The following ZNF618 variants were observed in gnomAD, a reference collection of about 807,000 sequenced individuals.
ZNF618 encodes the protein zinc finger protein 618.
A neutral mutation model predicts 103.0 loss-of-function variants in ZNF618; 34 were observed. The observed-to-expected ratio is 0.33, with a 90% CI of 0.25 to 0.44. The LOEUF is 0.44. Among genes scored for constraint, ZNF618 ranks in the 20% least tolerant of loss-of-function variants. The pLI is 1.00. For missense variants in ZNF618, 1,059 were observed against 1,295.4 expected (o/e 0.82, Z 2.80); for synonymous variants, 551 against 542.2 (o/e 1.02, Z -0.23).
intron 3 of ZNF618, among the ~76,000 whole-genome samples, chr9:113,989,619 C>T (rs1839832250): frequency 6.6e-6 from 1 of 152,240 alleles, no homozygotes; most frequent in African/African-American, 2.4e-5. Context: ...CTGTCCAAGC[C>T]TCTGCTGCCT....
At chr9:113,900,526 A>G (rs1024119086) in intron 1 of ZNF618, among the ~76,000 whole-genome samples, 13 of 152,324 alleles carry the variant, frequency 8.5e-5, no homozygotes, top group African/African-American at 3.1e-4. Flanking sequence ...GAGGTGAGGC[A>G]GCAACCCAAG....
intron 2 of ZNF618, 135 bp from the exon 3 acceptor site, chr9:113,988,185 TG>T: frequency 8.5e-7 from 1 of 1,175,544 alleles, no homozygotes. Context: ...GGGGGTTGTG[TG>T]GGAGGCTAAG....
chr9:113,924,346 C>T (rs1821969143), intron 1 of ZNF618, among the ~76,000 whole-genome samples: 1 of 151,204 alleles, frequency 6.6e-6, no homozygotes, highest in South Asian at 2.1e-4. Flanking sequence ...CTTTTAATGT[C>T]CATGAGATCA....
chr9:114,027,599 C>T (rs866743496), intron 10 of ZNF618, among the ~76,000 whole-genome samples: 4 of 152,232 alleles, frequency 2.6e-5, no homozygotes, highest in Non-Finnish European at 1.5e-5. Context: ...GGCTGAGCTT[C>T]GCCTTCTGTG....
intron 2 of ZNF618, among the ~76,000 whole-genome samples, chr9:113,974,946 G>A (rs1264718996): frequency 2.0e-5 from 3 of 152,156 alleles, no homozygotes; most frequent in Admixed American, 6.5e-5. Flanking sequence ...GATTATATTA[G>A]TACCTCCTTC....
At chr9:113,947,100 GGAGCCTGCTGCAGA>G (rs1428248414) in intron 1 of ZNF618, among the ~76,000 whole-genome samples, 4 of 152,152 alleles carry the variant, frequency 2.6e-5, no homozygotes, top group African/African-American at 7.2e-5. Context: ...ATGAGCTTGC[GGAGCCTGCTGCAGA>G]GGAGGGGCTC....
chr9:113,987,792 G>C (rs1291011271), intron 2 of ZNF618, among the ~76,000 whole-genome samples: 1 of 152,136 alleles, frequency 6.6e-6, no homozygotes, highest in Non-Finnish European at 1.5e-5. Flanking sequence ...CCAGGAGTTT[G>C]TTTGTGTTCT....
In ZNF618 at chr9:113,951,352, A is replaced by G. The variant is rs12115208; in HGVS notation, c.34-17765A>G. ...ATAGGCATCCAAACAATATTTGTGA[A>G]TAGGGACCTTTTACCAGGATGGCTT... On this transcript the variant is annotated intron_variant, in intron 1 of 14. Coordinates refer to ENST00000374126, the MANE Select transcript of ZNF618 (RefSeq NM_001318042.2). Among the ~76,000 whole-genome samples, 814 of 118,796 alleles carry G rather than the reference A, an allele frequency of 6.9e-3. 13 individuals carry two copies. Among genetic ancestry groups the G allele is most frequent in the African/African-American group, 0.023 (759 of 32,976 alleles). 77.9% of individuals were successfully genotyped at this position (118,796 alleles called of 152,430 possible). A position where few individuals can be genotyped will look rare whatever the true frequency, so the allele number is the denominator to read the frequency against.
At chr9:113,946,884 A>G (rs1394656391) in intron 1 of ZNF618, among the ~76,000 whole-genome samples, 2 of 152,198 alleles carry the variant, frequency 1.3e-5, no homozygotes, top group African/African-American at 4.8e-5. Flanking sequence ...AATTCCTGAC[A>G]GGTGTTTGCT....
At chr9:114,009,289 G>A (rs1015224055) in intron 9 of ZNF618, among the ~76,000 whole-genome samples, 1 of 152,128 alleles carries the variant, frequency 6.6e-6, no homozygotes, top group Non-Finnish European at 1.5e-5. Flanking sequence ...GAGGGTAGGG[G>A]ATGAGCCCCA....
chr9:114,007,235 C>T (rs4979321), intron 6 of ZNF618, 115 bp from the exon 7 acceptor site: 498,407 of 801,416 alleles, frequency 0.62, 159,434 homozygotes, highest in East Asian at 0.67. Context: ...TTCCTCCCTC[C>T]GCTAGCCAGA....
chr9:114,034,676 C>T (rs960608440), intron 12 of ZNF618, among the ~76,000 whole-genome samples: 4 of 152,156 alleles, frequency 2.6e-5, no homozygotes, highest in African/African-American at 9.7e-5. Context: ...ACCATCTGGC[C>T]CCGCTGTGCT....
At chr9:113,945,287 A>C (rs545450220) in intron 1 of ZNF618, among the ~76,000 whole-genome samples, 1 of 152,194 alleles carries the variant, frequency 6.6e-6, no homozygotes, top group East Asian at 1.9e-4. Context: ...TCAGGAAGGC[A>C]TTTCCTTATG....
intron 13 of ZNF618, among the ~76,000 whole-genome samples, chr9:114,040,409 T>C (rs1181461862): frequency 3.9e-5 from 6 of 152,028 alleles, no homozygotes; most frequent in Admixed American, 2.6e-4. Flanking sequence ...TACATATGTA[T>C]ACATGTGCCA....
At chr9:113,985,581 G>A (rs918586779) in intron 2 of ZNF618, among the ~76,000 whole-genome samples, 16 of 152,212 alleles carry the variant, frequency 1.1e-4, no homozygotes, top group African/African-American at 1.4e-4. Context: ...GCAGCAGCCC[G>A]GAAAGCCAGG....
At chr9:113,968,974 C>G in intron 1 of ZNF618, 143 bp from the exon 2 acceptor site, 2 of 915,824 alleles carry the variant, frequency 2.2e-6, no homozygotes. Context: ...TTTGTCCAGC[C>G]TGGAGGAGCG....
chr9:114,008,794 T>C lies in ZNF618; in HGVS notation c.754+240T>C, dbSNP rs118097455. ...CCAGGCTGGGGCTGAGTCCTGGCGC[T>C]ACTGCTTACAGGCTTGGTGTCCTCA... On this transcript the variant is annotated intron_variant, in intron 9 of 14. Transcript: ENST00000374126. Among the ~76,000 whole-genome samples, 63 of 152,332 alleles carry C rather than the reference T, an allele frequency of 4.1e-4. 1 individual carries two copies. The East Asian group carries it at 0.012, about 29-fold the overall frequency.
intron 6 of ZNF618, 99 bp from the exon 7 acceptor site, chr9:114,007,251 C>T (rs941867200): frequency 1.1e-6 from 1 of 946,702 alleles, no homozygotes; most frequent in African/African-American, 1.6e-5. Flanking sequence ...CCAGACTGGG[C>T]TAGTTTCATC....
chr9:114,022,943 G>GT (rs1415728430), intron 10 of ZNF618, among the ~76,000 whole-genome samples: 1 of 152,002 alleles, frequency 6.6e-6, no homozygotes, highest in Non-Finnish European at 1.5e-5. Flanking sequence ...GTCTGTTACT[G>GT]TAAGCCATGA....
Sources: gnomAD v4.1 joint callset for allele counts (sites outside exome capture counted in the v4.1 genomes callset) on GRCh38, gnomAD v4.1.1 for gene constraint, MANE v1.5 for transcripts, NCBI Gene and HGNC (gene_info 2026-07-23, HGNC 2026-07-21) for gene names.